HCRTR2: variants seen among roughly 807,000 people sequenced by gnomAD.
The protein encoded by HCRTR2 is hypocretin receptor 2.
HCRTR2 carries 22 observed loss-of-function variants against 49.0 expected under a neutral mutation model. The ratio of observed to expected loss-of-function variants is 0.45; its 90% confidence interval spans 0.32 to 0.64. The LOEUF (loss-of-function observed/expected upper bound fraction) is 0.64. Among genes scored for constraint, HCRTR2 ranks in the 30% least tolerant of loss-of-function variants. The pLI is 0.04. For missense variants in HCRTR2, 491 were observed against 559.4 expected, an observed-to-expected ratio of 0.88 and a Z score of 1.23; for synonymous variants, 236 against 205.3, an observed-to-expected ratio of 1.15 and a Z score of -1.28.
intron 2 of HCRTR2, among the ~76,000 whole-genome samples, 195 bp downstream of exon 2, chr6:55,249,012 A>G (rs1323477262): frequency 6.6e-6 from 1 of 152,142 alleles, no homozygotes; most frequent in African/African-American, 2.4e-5. Context: ...GAACTGCCAA[A>G]TCATCATTAG....
intron 1 of HCRTR2, among the ~76,000 whole-genome samples, chr6:55,162,260 A>C (rs1413958893): frequency 1.3e-5 from 2 of 152,234 alleles, no homozygotes; most frequent in African/African-American, 2.4e-5. Flanking sequence ...CAATAGATGC[A>C]GAAAAGGCCT....
chr6:55,209,768 GA>G, intron 1 of HCRTR2, among the ~76,000 whole-genome samples: 1 of 152,152 alleles, frequency 6.6e-6, no homozygotes, highest in East Asian at 1.9e-4. Context: ...TATTGGCTTA[GA>G]TTTTTTTTTC....
At chr6:55,279,252 C>T (rs1043031014) in intron 5 of HCRTR2, among the ~76,000 whole-genome samples, 1 of 151,556 alleles carries the variant, frequency 6.6e-6, no homozygotes, top group Non-Finnish European at 1.5e-5. Context: ...TTTTTTCTTT[C>T]TCCCACAAAA....
intron 1 of HCRTR2, among the ~76,000 whole-genome samples, chr6:55,197,191 C>G (rs1288941070): frequency 6.6e-6 from 1 of 152,144 alleles, no homozygotes; most frequent in Non-Finnish European, 1.5e-5. Context: ...AAGCCTAACT[C>G]TAATCCTATC....
intron 1 of HCRTR2, among the ~76,000 whole-genome samples, chr6:55,169,189 A>G (rs1434470929): frequency 6.6e-6 from 1 of 151,870 alleles, no homozygotes; most frequent in East Asian, 1.9e-4. Context: ...GTGTTTATCT[A>G]TGCTCAACAT....
intron 1 of HCRTR2, among the ~76,000 whole-genome samples, chr6:55,183,867 A>G (rs1158639552): frequency 1.3e-5 from 2 of 152,206 alleles, no homozygotes; most frequent in Non-Finnish European, 2.9e-5. Flanking sequence ...TACATATTGG[A>G]AAAACTGTTG....
At chr6:55,250,005 A>G (rs1329922985) in intron 2 of HCRTR2, among the ~76,000 whole-genome samples, 1 of 152,142 alleles carries the variant, frequency 6.6e-6, no homozygotes, top group Non-Finnish European at 1.5e-5. Context: ...CATTATGCCG[A>G]TTAGGCTTTT....
At chr6:55,274,214 T>C (rs1285499825) in intron 4 of HCRTR2, among the ~76,000 whole-genome samples, 1 of 146,252 alleles carries the variant, frequency 6.8e-6, no homozygotes, top group Non-Finnish European at 1.5e-5. Flanking sequence ...CTTTATTATC[T>C]CTCTGCAATG....
chr6:55,269,864 T>G (rs2127325986), intron 4 of HCRTR2, among the ~76,000 whole-genome samples: 1 of 152,272 alleles, frequency 6.6e-6, no homozygotes, highest in African/African-American at 2.4e-5. Context: ...CTCAGGAAGC[T>G]GAGGCATGAG....
intron 1 of HCRTR2, among the ~76,000 whole-genome samples, chr6:55,142,959 T>A (rs1664205054): frequency 1.4e-5 from 2 of 140,334 alleles, no homozygotes; most frequent in Admixed American, 1.5e-4. Flanking sequence ...AATAGATGGA[T>A]AGAGGCAGAT....
intron 1 of HCRTR2, among the ~76,000 whole-genome samples, chr6:55,191,842 AG>A (rs1411353815): frequency 6.6e-6 from 1 of 152,174 alleles, no homozygotes; most frequent in African/African-American, 2.4e-5. Flanking sequence ...GACTTTAGCA[AG>A]CTCCATCTAA....
At chr6:55,174,299 G>A (rs200274655), upstream of HCRTR2, 198 of 465,700 alleles carry the variant, frequency 4.3e-4, 1 homozygote, top group South Asian at 1.2e-3. Context: ...TGAGCCGGAC[G>A]TAGCTTTCTC....
At chr6:55,145,480 G>A (rs184039754) in intron 1 of HCRTR2, among the ~76,000 whole-genome samples, 6 of 150,640 alleles carry the variant, frequency 4.0e-5, no homozygotes, top group Admixed American at 2.7e-4. Context: ...GCGCGATCTC[G>A]GCTCACTGCA....
rs184579767 is a variant in HCRTR2 at position 55,131,440 on chromosome 6, C to T, written c.-378+24895C>T. Among the ~76,000 whole-genome samples the T allele has an allele frequency of 1.6e-4, 24 of 151,816 alleles. No homozygotes were observed. The East Asian group carries it at 4.1e-3, about 26-fold the overall frequency. On this transcript the variant is annotated intron_variant, in intron 1 of 7. Coordinates refer to the HCRTR2 transcript ENST00000615358. Reference sequence around the variant, plus strand: ...TGAACTTCTTCAAAGATGTTTGTAACTTAACAATCTTGTGTAGGTATTAAA... The same window carrying T: ...TGAACTTCTTCAAAGATGTTTGTAATTTAACAATCTTGTGTAGGTATTAAA...
chr6:55,252,516 A>G (rs1766569359), intron 2 of HCRTR2, among the ~76,000 whole-genome samples: 2 of 152,084 alleles, frequency 1.3e-5, no homozygotes, highest in Non-Finnish European at 2.9e-5. Context: ...CTATACAACC[A>G]TAGTTCTATT....
intron 1 of HCRTR2, among the ~76,000 whole-genome samples, chr6:55,164,739 G>A (rs1015442433): frequency 2.0e-4 from 30 of 151,718 alleles, no homozygotes; most frequent in African/African-American, 4.6e-4. Flanking sequence ...AAACCTGCAC[G>A]TTCTGCACAT....
intron 1 of HCRTR2, among the ~76,000 whole-genome samples, chr6:55,217,789 A>AT (rs934397015): frequency 5.9e-5 from 9 of 152,002 alleles, no homozygotes; most frequent in Non-Finnish European, 8.8e-5. Context: ...GCAATATAAG[A>AT]TTTTTTTTGC....
At chr6:55,146,377 C>G (rs1378897623) in intron 1 of HCRTR2, among the ~76,000 whole-genome samples, 1 of 151,896 alleles carries the variant, frequency 6.6e-6, no homozygotes. Flanking sequence ...TATTACTGTA[C>G]TAAAAAAGAC....
chr6:55,206,629 A>T lies in HCRTR2; in HGVS notation c.223+31819A>T, dbSNP rs149675550. On this transcript the variant is annotated intron_variant, in intron 1 of 6. Coordinates refer to ENST00000370862, the MANE Select transcript of HCRTR2 (RefSeq NM_001384272.1). ...AGCCAGTAATCTTTCTAAAAATATC[A>T]GCAAACCCAGAATTAAGGCTTATGT... Among the ~76,000 whole-genome samples, 1,295 of 152,170 alleles carry T rather than the reference A, an allele frequency of 8.5e-3. 20 individuals carry two copies. The highest frequency in any genetic ancestry group is 0.03 in the South Asian group (143 of 4,826).
Sources: gnomAD v4.1 joint callset for allele counts (sites outside exome capture counted in the v4.1 genomes callset) on GRCh38, gnomAD v4.1.1 for gene constraint, MANE v1.5 for transcripts, NCBI Gene and HGNC (gene_info 2026-07-23, HGNC 2026-07-21) for gene names.